FAM228B: variants seen among roughly 807,000 people sequenced by gnomAD.
FAM228B encodes the protein family with sequence similarity 228 member B, also known as protein FAM228B.
A neutral mutation model predicts 42.6 loss-of-function variants in FAM228B; 38 were observed. That is an observed-to-expected ratio of 0.89 (90% confidence interval 0.69 to 1.17). The LOEUF is 1.17. FAM228B is among the 50% of genes most tolerant of loss of function. FAM228B has a pLI of 0.00. For missense variants in FAM228B, 344 were observed against 367.3 expected (o/e 0.94, Z 0.52); for synonymous variants, 109 against 122.3 (o/e 0.89, Z 0.72).
At chr2:24,157,179 T>C (rs1667169032) in intron 7 of FAM228B, among the ~76,000 whole-genome samples, 1 of 152,210 alleles carries the variant, frequency 6.6e-6, no homozygotes, top group African/African-American at 2.4e-5. Flanking sequence ...TCCACTGTGG[T>C]CTGAGAGAGT....
chr2:24,099,797 C>G (rs918405250), intron 3 of FAM228B, among the ~76,000 whole-genome samples: 1 of 152,024 alleles, frequency 6.6e-6, no homozygotes, highest in Non-Finnish European at 1.5e-5. Flanking sequence ...CAAAAAAGAA[C>G]CCCCCATTAC....
At chr2:24,119,616 T>A (rs778778954), upstream of FAM228B, 1 of 1,613,980 alleles carries the variant, frequency 6.2e-7, no homozygotes, top group South Asian at 1.1e-5. Flanking sequence ...CTAGGATACA[T>A]GCCCTCAGTG....
At chr2:24,140,173 G>A (rs1666710066) in intron 5 of FAM228B, among the ~76,000 whole-genome samples, 1 of 152,094 alleles carries the variant, frequency 6.6e-6, no homozygotes, top group Admixed American at 6.6e-5. Context: ...CAGATGTGGT[G>A]TTTTGTTTTG....
chr2:24,078,027 CTT>C (rs1664835111), intron 1 of FAM228B, among the ~76,000 whole-genome samples: 1 of 152,186 alleles, frequency 6.6e-6, no homozygotes, highest in Non-Finnish European at 1.5e-5. Context: ...TGACCTGTCT[CTT>C]CTTGCATGTA....
At chr2:24,113,100 C>T (rs998246589) in intron 3 of FAM228B, among the ~76,000 whole-genome samples, 3 of 152,134 alleles carry the variant, frequency 2.0e-5, no homozygotes, top group African/African-American at 7.2e-5. Context: ...AAATTGTGAG[C>T]CTGTCTTGGG....
chr2:24,151,442 C>G (rs1460128979), intron 7 of FAM228B, among the ~76,000 whole-genome samples: 2 of 151,658 alleles, frequency 1.3e-5, no homozygotes, highest in Admixed American at 6.6e-5. Context: ...AGGCACCCAC[C>G]ACCACGTCCG....
intron 2 of FAM228B, among the ~76,000 whole-genome samples, chr2:24,086,045 C>G (rs901822635): frequency 3.3e-5 from 5 of 151,886 alleles, no homozygotes; most frequent in African/African-American, 1.2e-4. Context: ...ACCATCCTGG[C>G]TAACACGGTG....
chr2:24,112,909 C>T (rs1258319731), intron 3 of FAM228B, among the ~76,000 whole-genome samples: 2 of 152,188 alleles, frequency 1.3e-5, no homozygotes, highest in African/African-American at 4.8e-5. Context: ...GGTGCTCCTT[C>T]AGCCTGGAAT....
chr2:24,156,201 T>G (rs1667140230), intron 7 of FAM228B, among the ~76,000 whole-genome samples: 1 of 152,240 alleles, frequency 6.6e-6, no homozygotes, highest in Non-Finnish European at 1.5e-5. Flanking sequence ...CGAGTCGTGC[T>G]TGTCATCTTT....
chr2:24,103,102 A>G (rs1409048770), intron 3 of FAM228B, among the ~76,000 whole-genome samples: 1 of 152,148 alleles, frequency 6.6e-6, no homozygotes, highest in Non-Finnish European at 1.5e-5. Context: ...TGCATTTTTG[A>G]ACAATGGAGG....
chr2:24,099,776 T>C (rs1665569675), intron 3 of FAM228B, among the ~76,000 whole-genome samples: 1 of 152,126 alleles, frequency 6.6e-6, no homozygotes, highest in East Asian at 1.9e-4. Flanking sequence ...ACTTTAAAGA[T>C]CATATGGAAC....
chr2:24,122,888 TAAAAACA>T (rs1666165820), upstream of FAM228B: 1 of 174,254 alleles, frequency 5.7e-6, no homozygotes, highest in African/African-American at 2.4e-5. Flanking sequence ...AAATAAAAAA[TAAAAACA>T]AAAAACAAAA....
intron 3 of FAM228B, among the ~76,000 whole-genome samples, chr2:24,100,463 G>C (rs1188917981): frequency 1.3e-5 from 2 of 152,204 alleles, no homozygotes; most frequent in African/African-American, 2.4e-5. Context: ...GATATGAACA[G>C]ACACTTCTCA....
At chr2:24,105,737 G>T (rs1665686757) in intron 3 of FAM228B, among the ~76,000 whole-genome samples, 1 of 152,154 alleles carries the variant, frequency 6.6e-6, no homozygotes, top group Non-Finnish European at 1.5e-5. Context: ...TACAGGAGCT[G>T]ACAGATGAAA....
upstream of FAM228B, among the ~76,000 whole-genome samples, chr2:24,119,078 G>T (rs141535741): frequency 6.6e-6 from 1 of 152,076 alleles, no homozygotes; most frequent in East Asian, 1.9e-4. Flanking sequence ...CAACAAAGTG[G>T]CTGCCTGACT....
chr2:24,114,873 T>G (rs1422734650), intron 3 of FAM228B, among the ~76,000 whole-genome samples: 2 of 152,190 alleles, frequency 1.3e-5, no homozygotes, highest in Admixed American at 6.5e-5. Context: ...ACTGCCTTAC[T>G]AAGGTGTGCA....
At chr2:24,167,971 G>C (rs6733163) in intron 10 of FAM228B, 318,505 of 354,246 alleles carry the variant, frequency 0.9, 145,260 homozygotes, top group South Asian at 0.95. Flanking sequence ...TCTTTTCCAG[G>C]TGTTTGCTTA....
At chr2:24,155,523 A>ATTT (rs1667115999) in intron 7 of FAM228B, among the ~76,000 whole-genome samples, 7 of 25,862 alleles carry the variant, frequency 2.7e-4, no homozygotes, top group Non-Finnish European at 5.2e-4. Flanking sequence ...ATATATATAT[A>ATTT]TATATATATT....
rs1434888891 is a variant in FAM228B at position 24,147,044 on chromosome 2, T to C, written c.644T>C (p.Leu215Pro). The C allele has an allele frequency of 1.9e-6, 3 of 1,551,224 alleles. No individual in the cohort carries two copies. The East Asian group carries it at 7.3e-5, about 38-fold the overall frequency. ...ATAACTCCAAACGAGTGGCTGAAAC[T>C]GCCTACAAGATACATAGAAAGTGAA... ...HFITPNEWLK[L>P]PTRYIESEFC... Residue 215 changes from leucine to proline, a missense_variant, in exon 7 of 11, where the codon CTG becomes CCG. Transcript: ENST00000615575.
Sources: gnomAD v4.1 joint callset for allele counts (sites outside exome capture counted in the v4.1 genomes callset) on GRCh38, gnomAD v4.1.1 for gene constraint, MANE v1.5 for transcripts, NCBI Gene and HGNC (gene_info 2026-07-23, HGNC 2026-07-21) for gene names.